The following MYO18A variants were observed in gnomAD, a reference collection of about 807,000 sequenced individuals.
MYO18A encodes the protein myosin XVIIIA.
Under a neutral mutation model 235.8 loss-of-function variants are expected in MYO18A, and 78 were observed. That is an observed-to-expected ratio of 0.33 (90% CI 0.28 to 0.40). The LOEUF is 0.40. MYO18A is among the 10% of genes least tolerant of loss of function. The pLI is 1.00. For missense variants in MYO18A, 2,215 were observed against 2,699.3 expected, an observed-to-expected ratio of 0.82 and a Z score of 3.98; for synonymous variants, 977 against 1,077.8, an observed-to-expected ratio of 0.91 and a Z score of 1.83.
rs141323766 is a variant in MYO18A, at chr17:29,140,801, TACAC to T, written c.1000-18552_1000-18549del. Among the ~76,000 whole-genome samples the T allele has an allele frequency of 2.9e-4, 44 of 150,758 alleles. No individual in the cohort carries two copies. The East Asian group carries it at 3.5e-3, about 12-fold the overall frequency. On this transcript the variant is annotated intron_variant, in intron 2 of 41. Transcript: ENST00000527372. This position sits in a 1 kb window ranked among gnomAD's most constrained non-coding sequence, Gnocchi z 4.2. ...GCGCACTCATGTGCATGTACACGTA[TACAC>T]ACACACACACACACACCAGCATGCA...
Position 29,107,176 on chromosome 17 carries a change from G to A in MYO18A, c.3345C>T (p.His1115=). ...GGCGGCGGAACTCGGAAAACACCAT[G>A]TGGTCAGGGTAACCTAGAGAGAGCA... ...MRMYRQGYPD[H]MVFSEFRRRF... is the part of the protein sequence containing the mutation. The change falls in exon 20 of 42, where the codon CAC becomes CAT. Residue 1115 remains histidine (H), a synonymous_variant. Transcript: ENST00000527372. The A allele has an allele frequency of 1.2e-6, 2 of 1,613,980 alleles. No homozygotes were observed. Among genetic ancestry groups the A allele is most frequent in the South Asian group, 2.2e-5 (2 of 91,078 alleles).
At position 29,165,977 on chromosome 17, in the gene MYO18A, G is replaced by A. The variant is rs372856901; in HGVS notation, c.964C>T (p.Arg322Trp). Residue 322 changes from arginine to tryptophan, a missense_variant, in exon 2 of 42, where the codon CGG becomes TGG. By Grantham distance (101) the Arg-to-Trp change is moderately radical. Coordinates refer to ENST00000527372, the MANE Select transcript of MYO18A (RefSeq NM_078471.4). ...TCCCTGCGAGGTCCCTCGCCGCTCC[G>A]CAGCCAGCTCCTGCTGAGCTCGCTG... ...ELSELSRSWL[R>W]SGEGPRREPS... 63 of 1,613,224 alleles carry A rather than the reference G, an allele frequency of 3.9e-5. No individual in the cohort carries two copies. The Middle Eastern group carries it at 9.9e-4, about 25-fold the overall frequency.
Position 29,118,571 on chromosome 17 carries a change from A to G in MYO18A, c.1830-131T>C, listed in dbSNP as rs187539598. 6.1e-3 allele frequency: 4,687 copies of G among 773,238 alleles called. 23 individuals carry two copies. The highest frequency in any genetic ancestry group is 7.9e-3 in the Non-Finnish European group (3,713 of 470,784). The allele number at this position is 773,238 out of a possible 1,614,324, so 47.9% of individuals were successfully genotyped here. On this transcript the variant is annotated intron_variant, in intron 8 of 41. Coordinates refer to ENST00000527372, the MANE Select transcript of MYO18A (RefSeq NM_078471.4). The surrounding 1 kb of genome is among the most constrained non-coding windows in gnomAD (Gnocchi z 4.2). ...TCTGCCCATCATCCCATCATCCCCA[A>G]CTGGCGGGCCAGCTGTCACTGCTTT...
At position 29,072,090 on chromosome 17, in the gene MYO18A, A is replaced by G. The variant is rs2065890011; in HGVS notation, c.*2680T>C. The G allele has an allele frequency of 6.6e-6, 1 of 152,248 alleles. No homozygotes were observed. The highest frequency in any genetic ancestry group is 6.5e-5 in the Admixed American group (1 of 15,286). The allele number at this position is 152,248 out of a possible 1,614,324, so 9.4% of individuals were successfully genotyped here. A position where few individuals can be genotyped will look rare whatever the true frequency, so the allele number is the denominator to read the frequency against. On this transcript the variant is annotated 3_prime_UTR_variant, in exon 42 of 42. Coordinates refer to ENST00000527372, the MANE Select transcript of MYO18A (RefSeq NM_078471.4). Reference sequence around the variant, plus strand: ...TGAACAGATTTGGGAATTCATCTAAAGGTGGCAGGGAGTTTGTCACACTAG... The same window carrying G: ...TGAACAGATTTGGGAATTCATCTAAGGGTGGCAGGGAGTTTGTCACACTAG...
chr17:29,142,372 ATGAT>A (rs888824858), intron 2 of MYO18A, among the ~76,000 whole-genome samples: 2 of 152,260 alleles, frequency 1.3e-5, no homozygotes, highest in African/African-American at 2.4e-5. Context: ...GAATGAATGA[ATGAT>A]TTAGCTGTGT....
chr17:29,093,563 G>A, intron 31 of MYO18A, 136 bp from the exon 32 acceptor site: 1 of 687,680 alleles, frequency 1.5e-6, no homozygotes, highest in Non-Finnish European at 2.5e-6. Context: ...GGAGGGGTCA[G>A]AACCTAAATT....
rs181972280 is a variant in MYO18A, at chr17:29,122,303, C to T, written c.1000-50G>A. 214 of 1,540,642 alleles carry T rather than the reference C, an allele frequency of 1.4e-4. 1 individual carries two copies. The African/African-American group carries it at 2.5e-3, about 18-fold the overall frequency. ...CAGGCCCTGCTATGGAAGACAGGGA[C>T]AAGGACAGCCGTAGAGGGGAGACAA... On this transcript the variant is annotated intron_variant, in intron 2 of 41. Coordinates refer to ENST00000527372, the MANE Select transcript of MYO18A (RefSeq NM_078471.4).
At chr17:29,097,994 A>T in intron 25 of MYO18A, 95 bp from the exon 26 acceptor site, 2 of 1,573,146 alleles carry the variant, frequency 1.3e-6, no homozygotes, top group Non-Finnish European at 1.7e-6. Context: ...CCAAGGGCAG[A>T]CAGGGATGCT....
chr17:29,150,870 C>T (rs1211866040), intron 2 of MYO18A, among the ~76,000 whole-genome samples: 2 of 152,208 alleles, frequency 1.3e-5, no homozygotes, highest in South Asian at 2.1e-4. Flanking sequence ...CTTATTGTTG[C>T]TGTAGAAACA....
intron 1 of MYO18A, among the ~76,000 whole-genome samples, chr17:29,179,873 G>A (rs552194995): frequency 7.8e-4 from 118 of 152,210 alleles, no homozygotes; most frequent in Non-Finnish European, 1.2e-3. Context: ...CCCCTTCCCC[G>A]CTGCCTTCCT....
intron 1 of MYO18A, among the ~76,000 whole-genome samples, chr17:29,167,617 G>A (rs2068311623): frequency 6.6e-6 from 1 of 151,796 alleles, no homozygotes; most frequent in Middle Eastern, 3.2e-3. Context: ...GGAATTTGAG[G>A]ATTGCTTGAG....
intron 37 of MYO18A, among the ~76,000 whole-genome samples, chr17:29,089,697 A>G (rs1009430745): frequency 1.3e-5 from 2 of 152,194 alleles, no homozygotes; most frequent in African/African-American, 4.8e-5. Flanking sequence ...GGAGGAAAAT[A>G]TGAAGACGAA....
chr17:29,096,478 T>C (rs1373442062), intron 28 of MYO18A, among the ~76,000 whole-genome samples: 1 of 152,144 alleles, frequency 6.6e-6, no homozygotes. Context: ...CAGGCCCTGG[T>C]TGATGCACTT....
chr17:29,172,139 G>GCTCA (rs35234303), intron 1 of MYO18A, among the ~76,000 whole-genome samples: 11,389 of 152,196 alleles, frequency 0.075, 577 homozygotes, highest in South Asian at 0.16. Context: ...CAGTGTCAGA[G>GCTCA]CTCAGGCTTT....
At chr17:29,172,848 G>C (rs1179299640) in intron 1 of MYO18A, among the ~76,000 whole-genome samples, 1 of 152,200 alleles carries the variant, frequency 6.6e-6, no homozygotes, top group Non-Finnish European at 1.5e-5. Flanking sequence ...TAGTGCCAAG[G>C]ATACTATGGA....
At position 29,121,469 on chromosome 17, in the gene MYO18A, G is replaced by A. The variant is rs1430283940; in HGVS notation, c.1371+78C>T. On this transcript the variant is annotated intron_variant, in intron 5 of 41. Coordinates refer to ENST00000527372, the MANE Select transcript of MYO18A (RefSeq NM_078471.4). The surrounding 1 kb of genome is among the most constrained non-coding windows in gnomAD (Gnocchi z 4.2). ...TGAGAGTGGACAGGAGCCCAGTGGG[G>A]TGCCACAGGGGAAGGGCAGAGAGCC... 4.3e-6 allele frequency: 6 copies of A among 1,408,104 alleles called. No homozygotes were observed. The African/African-American group carries it at 4.3e-5, about 10-fold the overall frequency. The allele number at this position is 1,408,104 out of a possible 1,614,324, so 87.2% of individuals were successfully genotyped here.
chr17:29,076,001 CT>C, intron 41 of MYO18A: 1 of 157,080 alleles, frequency 6.4e-6, no homozygotes. Context: ...TTTACTAGCC[CT>C]TTTAAAGTTC....
intron 38 of MYO18A, 83 bp from the exon 39 acceptor site, chr17:29,086,660 C>T: frequency 1.3e-6 from 2 of 1,519,300 alleles, no homozygotes; most frequent in Non-Finnish European, 1.8e-6. Flanking sequence ...CAAGTACTTT[C>T]CGGTCATGGG....
chr17:29,091,602 A>T (rs1568048706), intron 34 of MYO18A: 1 of 453,332 alleles, frequency 2.2e-6, no homozygotes, highest in Admixed American at 2.4e-5. Flanking sequence ...ACCTTTTTTA[A>T]CACAATTAAG....
Sources: allele counts gnomAD v4.1 joint callset (sites outside exome capture counted in the v4.1 genomes callset), GRCh38; gene constraint gnomAD v4.1.1; non-coding constraint Gnocchi (gnomAD v3.1); transcripts MANE v1.5; gene names NCBI Gene and HGNC (gene_info 2026-07-23, HGNC 2026-07-21).